The following HSP90AA1 variants were observed in gnomAD, a reference collection of about 807,000 sequenced individuals.
HSP90AA1 encodes the protein heat shock protein HSP 90-alpha.
HSP90AA1 carries 18 observed loss-of-function variants against 73.3 expected under a neutral mutation model. The ratio of observed to expected loss-of-function variants is 0.25; its 90% CI spans 0.17 to 0.36. HSP90AA1 has a LOEUF of 0.36. Among genes scored for constraint, HSP90AA1 ranks in the 10% least tolerant of loss-of-function variants. The pLI is 1.00. For missense variants in HSP90AA1, 704 were observed against 874.2 expected, an observed-to-expected ratio of 0.81 and a Z score of 2.45; for synonymous variants, 477 against 296.9, an observed-to-expected ratio of 1.61 and a Z score of -6.24.
At chr14:102,127,437 A>C (rs2049853142) in intron 1 of HSP90AA1, among the ~76,000 whole-genome samples, 1 of 152,240 alleles carries the variant, frequency 6.6e-6, no homozygotes, top group African/African-American at 2.4e-5. Context: ...AGAATGTCCC[A>C]GCCTTATGAC....
intron 2 of HSP90AA1, among the ~76,000 whole-genome samples, chr14:102,096,294 C>T (rs1335755425): frequency 6.6e-6 from 1 of 152,188 alleles, no homozygotes; most frequent in Non-Finnish European, 1.5e-5. Flanking sequence ...GCCTCACCTC[C>T]TCCGAGCTCA....
intron 1 of HSP90AA1, among the ~76,000 whole-genome samples, chr14:102,133,544 C>T (rs1175657612): frequency 2.8e-5 from 4 of 143,868 alleles, no homozygotes; most frequent in Non-Finnish European, 4.5e-5. Context: ...AGTGCAATGG[C>T]GTGATCTCGG....
intron 2 of HSP90AA1, among the ~76,000 whole-genome samples, chr14:102,096,370 C>T (rs1468189378): frequency 2.6e-5 from 4 of 152,186 alleles, no homozygotes; most frequent in Admixed American, 6.5e-5. Flanking sequence ...TAAGTGCACT[C>T]AGGGCCCCTC....
At chr14:102,105,230 C>A (rs112127582) in intron 1 of HSP90AA1, among the ~76,000 whole-genome samples, 91,638 of 118,716 alleles carry the variant, frequency 0.77, 37,431 homozygotes, top group East Asian at 0.93. Flanking sequence ...AAAAAAAAAA[C>A]CAAACTTCAT....
At chr14:102,132,377 A>T (rs1337999111) in intron 1 of HSP90AA1, among the ~76,000 whole-genome samples, 3 of 151,920 alleles carry the variant, frequency 2.0e-5, no homozygotes, top group Non-Finnish European at 2.9e-5. Context: ...AAAAAAATAA[A>T]TAAGTAAATA....
intron 1 of HSP90AA1, among the ~76,000 whole-genome samples, chr14:102,118,906 G>A (rs999504082): frequency 6.9e-6 from 1 of 144,326 alleles, no homozygotes; most frequent in African/African-American, 2.6e-5. Context: ...TCCGGCTGGA[G>A]TGTAGTGGTG....
At chr14:102,112,021 T>TA (rs2049648375) in intron 1 of HSP90AA1, among the ~76,000 whole-genome samples, 1 of 152,224 alleles carries the variant, frequency 6.6e-6, no homozygotes, top group South Asian at 2.1e-4. Flanking sequence ...GATCTATTTT[T>TA]ATCCATTCTG....
intron 1 of HSP90AA1, among the ~76,000 whole-genome samples, chr14:102,116,205 G>A (rs565781274): frequency 2.6e-5 from 4 of 151,684 alleles, no homozygotes; most frequent in Admixed American, 6.6e-5. Flanking sequence ...CACCAACCTT[G>A]GCCTCCCAAA....
intron 1 of HSP90AA1, among the ~76,000 whole-genome samples, chr14:102,110,490 A>G (rs11624546): frequency 0.83 from 126,435 of 151,744 alleles, 53,485 homozygotes; most frequent in East Asian, 0.97. Context: ...TGTAATCTCG[A>G]CTCACTGCAA....
chr14:102,139,542 C>T lies in HSP90AA1; in HGVS notation c.-138G>A, dbSNP rs539360308. 7.1e-5 allele frequency: 65 copies of T among 916,434 alleles called. 1 individual carries two copies. The East Asian group carries it at 1.4e-3, about 20-fold the overall frequency. 56.8% of individuals were successfully genotyped at this position (916,434 alleles called of 1,614,324 possible). ...CGCTGAGGAGGCACCCTCAAGTTCA[C>T]CTCAGGCTCATGACACCAGCCCCGC... On this transcript the variant is annotated 5_prime_UTR_variant, in exon 1 of 12. Coordinates refer to the HSP90AA1 transcript ENST00000334701.
In HSP90AA1 at chr14:102,127,115, A is replaced by T. The variant is rs557074300; in HGVS notation, c.155+12135T>A. Among the ~76,000 whole-genome samples, 11 of 152,066 alleles carry T rather than the reference A, an allele frequency of 7.2e-5. No individual in the cohort carries two copies. The South Asian group carries it at 2.3e-3, about 32-fold the overall frequency. On this transcript the variant is annotated intron_variant, in intron 1 of 11. Coordinates refer to the HSP90AA1 transcript ENST00000334701. ...TATAATTATATATAAGTAACAAGTT[A>T]ATTTTTTCTTTACATATAGCATACT...
intron 1 of HSP90AA1, among the ~76,000 whole-genome samples, chr14:102,119,106 C>T (rs1291301280): frequency 1.3e-5 from 2 of 151,994 alleles, no homozygotes; most frequent in Admixed American, 6.6e-5. Context: ...CCACCCTCCT[C>T]GCCTCCCAAA....
chr14:102,129,434 C>T (rs938332178), intron 1 of HSP90AA1, among the ~76,000 whole-genome samples: 3 of 152,026 alleles, frequency 2.0e-5, no homozygotes, highest in African/African-American at 4.8e-5. Flanking sequence ...TTAGCAGTCA[C>T]GACTCCTTCC....
chr14:102,082,541 AAAATACTATCTACTGTCAAATACAACTT>A (rs1190797823), intron 9 of HSP90AA1, 97 bp from the exon 10 acceptor site: 2 of 860,140 alleles, frequency 2.3e-6, no homozygotes, highest in Non-Finnish European at 3.8e-6. Flanking sequence ...CAATAGATCC[AAAATACTATCTACTGTCAAATACAACTT>A]AAATGTCGCA....
At chr14:102,086,178 T>A in intron 2 of HSP90AA1, 39 bp downstream of exon 2, 1 of 1,614,156 alleles carries the variant, frequency 6.2e-7, no homozygotes, top group East Asian at 2.2e-5. Context: ...AAGTTCACAC[T>A]GAAACCAAAA....
chr14:102,100,938 A>C (rs1004503217), intron 2 of HSP90AA1, among the ~76,000 whole-genome samples: 7 of 152,192 alleles, frequency 4.6e-5, no homozygotes, highest in Non-Finnish European at 1.0e-4. Flanking sequence ...GACGGGCTCT[A>C]ATGAAATTCC....
At chr14:102,082,971 GT>G in intron 9 of HSP90AA1, 62 bp downstream of exon 9, 1 of 1,507,816 alleles carries the variant, frequency 6.6e-7, no homozygotes, top group Non-Finnish European at 9.2e-7. Flanking sequence ...AATGGGCTAT[GT>G]ATGACTAAGC....
chr14:102,098,059 C>A (rs2049446722), intron 2 of HSP90AA1, among the ~76,000 whole-genome samples: 1 of 152,220 alleles, frequency 6.6e-6, no homozygotes, highest in Non-Finnish European at 1.5e-5. Flanking sequence ...TGCCTTCCCT[C>A]CCTGCCACCT....
intron 8 of HSP90AA1, 120 bp from the exon 9 acceptor site, chr14:102,083,422 C>G: frequency 7.1e-7 from 1 of 1,417,894 alleles, no homozygotes; most frequent in Admixed American, 1.7e-5. Context: ...TGACCTAGTT[C>G]ATGTTAATTA....
Sources: gnomAD v4.1 joint callset for allele counts (sites outside exome capture counted in the v4.1 genomes callset) on GRCh38, gnomAD v4.1.1 for gene constraint, MANE v1.5 for transcripts, NCBI Gene and HGNC (gene_info 2026-07-23, HGNC 2026-07-21) for gene names.